FNDC9: variants seen among roughly 807,000 people sequenced by gnomAD.
FNDC9 encodes the protein fibronectin type III domain-containing protein 9.
A neutral mutation model predicts 9.0 loss-of-function variants in FNDC9; 3 were observed. The observed-to-expected ratio is 0.33, with a 90% confidence interval of 0.15 to 0.86. The LOEUF (loss-of-function observed/expected upper bound fraction) is 0.86. Ranked by LOEUF, FNDC9 falls within the 40% of genes least tolerant of loss-of-function variation. FNDC9 has a pLI of 0.53. For synonymous variants in FNDC9, 114 were observed against 115.6 expected (o/e 0.99, Z 0.09); for missense variants, 279 against 287.2 (o/e 0.97, Z 0.21).
rs1452879457 is a variant in FNDC9, at chr5:157,341,984, T to C, written c.*878A>G. ...CAAAGTAAAAACAGCACTTCCCTTTTCGATTCTCTTTCAAACCTTATGCTA... is the reference window on the plus strand; with the variant it reads ...CAAAGTAAAAACAGCACTTCCCTTTCCGATTCTCTTTCAAACCTTATGCTA... On this transcript the variant is annotated 3_prime_UTR_variant, in exon 2 of 2. Transcript: ENST00000312349. 1 of 152,526 alleles carries C rather than the reference T, an allele frequency of 6.6e-6. No homozygotes were observed. Among genetic ancestry groups the C allele is most frequent in the Non-Finnish European group, 1.5e-5 (1 of 68,048 alleles). 9.4% of individuals were successfully genotyped at this position (152,526 alleles called of 1,614,324 possible). A position where few individuals can be genotyped will look rare whatever the true frequency, so the allele number is the denominator to read the frequency against.
rs936858192 is a variant in FNDC9 at position 157,342,703 on chromosome 5, G to C, written c.*159C>G. On this transcript the variant is annotated 3_prime_UTR_variant, in exon 2 of 2. Coordinates refer to ENST00000312349, the MANE Select transcript of FNDC9 (RefSeq NM_001001343.4). ...CCCTGGGGGATACATTTTCCAGCTT[G>C]AGAAGCTTTGTCATGGGGCATTCAT... 3 of 693,054 alleles carry C rather than the reference G, an allele frequency of 4.3e-6. No homozygotes were observed. The highest frequency in any genetic ancestry group is 3.1e-5 in the Admixed American group (1 of 32,400). 42.9% of individuals were successfully genotyped at this position (693,054 alleles called of 1,614,324 possible).
In FNDC9 at chr5:157,342,818, G is replaced by A. The variant is rs1276239888; in HGVS notation, c.*44C>T. On this transcript the variant is annotated 3_prime_UTR_variant, in exon 2 of 2. Coordinates refer to ENST00000312349, the MANE Select transcript of FNDC9 (RefSeq NM_001001343.4). ...CATTTGTACAAACGACCTACTGTGT[G>A]GAAAGCTTTAGGCTACATGATGCGG... 3 of 1,549,802 alleles carry A rather than the reference G, an allele frequency of 1.9e-6. No homozygotes were observed. The highest frequency in any genetic ancestry group is 1.7e-6 in the Non-Finnish European group (2 of 1,145,154).
chr5:157,343,244 C>G lies in FNDC9; in HGVS notation c.293G>C (p.Ser98Thr). ...CAGGGAGCTTCCAGGAGCCAGCGGACTCTTATCCAGGGTGTGGAACATGGT... is the reference window on the plus strand; with the variant it reads ...CAGGGAGCTTCCAGGAGCCAGCGGAGTCTTATCCAGGGTGTGGAACATGGT... ...YCTMFHTLDK[S>T]PLAPGSSLVD... Residue 98 changes from serine to threonine, a missense_variant, in exon 2 of 2, where the codon AGT becomes ACT. By Grantham distance (58) the Ser-to-Thr change is moderately conservative. Coordinates refer to ENST00000312349, the MANE Select transcript of FNDC9 (RefSeq NM_001001343.4). The G allele has an allele frequency of 6.2e-7, 1 of 1,614,194 alleles. No individual in the cohort carries two copies.
At chr5:157,344,615 G>A (rs1163944607) in intron 1 of FNDC9, among the ~76,000 whole-genome samples, 2 of 152,186 alleles carry the variant, frequency 1.3e-5, no homozygotes, top group Non-Finnish European at 2.9e-5. Context: ...TTTCTCTCAT[G>A]CAGTTCCCTC....
In FNDC9 at chr5:157,343,572, CAT is replaced by C. The variant is rs765910234; in HGVS notation, c.-7-31_-7-30del. On this transcript the variant is annotated intron_variant, in intron 1 of 1. Transcript: ENST00000312349. ...GAACCAGAATCAAAGTGAAGAGTGA[CAT>C]CCCCTGATTTAAGTATGTATTTATC... 5.4e-6 allele frequency: 8 copies of C among 1,492,212 alleles called. No individual in the cohort carries two copies. The East Asian group carries it at 1.8e-4, about 34-fold the overall frequency. The allele number at this position is 1,492,212 out of a possible 1,614,324, so 92.4% of individuals were successfully genotyped here.
intron 1 of FNDC9, chr5:157,345,235 C>T (rs1762592073): frequency 6.6e-6 from 1 of 152,238 alleles, no homozygotes; most frequent in South Asian, 2.1e-4. Context: ...TAAAACCTTT[C>T]CATCAGGAGT....
At chr5:157,345,423 C>G (rs1762607068) in intron 1 of FNDC9, 118 bp downstream of exon 1, 1 of 152,606 alleles carries the variant, frequency 6.6e-6, no homozygotes. Flanking sequence ...TTTTCTTCCT[C>G]TGTTTCCGTT....
Position 157,342,681 on chromosome 5 carries a change from TG to T in FNDC9, c.*180del. 1.7e-6 allele frequency: 1 copy of T among 601,544 alleles called. No homozygotes were observed. The highest frequency in any genetic ancestry group is 2.8e-5 in the East Asian group (1 of 35,728). 37.3% of individuals were successfully genotyped at this position (601,544 alleles called of 1,614,324 possible). A position where few individuals can be genotyped will look rare whatever the true frequency, so the allele number is the denominator to read the frequency against. On this transcript the variant is annotated 3_prime_UTR_variant, in exon 2 of 2. Transcript: ENST00000312349. ...GCCTCGTTTGTGCCTTGGCATACCC[TG>T]GGGGATACATTTTCCAGCTTGAGAA...
At chr5:157,343,636 G>C in intron 1 of FNDC9, 93 bp from the exon 2 acceptor site, 1 of 1,004,654 alleles carries the variant, frequency 1.0e-6, no homozygotes. Context: ...ATTTGAGACG[G>C]GCACTCATGT....
chr5:157,342,561 C>G lies in FNDC9; in HGVS notation c.*301G>C. 7.3e-6 allele frequency: 2 copies of G among 274,692 alleles called. No individual in the cohort carries two copies. Among genetic ancestry groups the G allele is most frequent in the East Asian group, 1.3e-4 (2 of 16,000 alleles). The allele number at this position is 274,692 out of a possible 1,614,324, so 17.0% of individuals were successfully genotyped here. On this transcript the variant is annotated 3_prime_UTR_variant, in exon 2 of 2. Transcript: ENST00000312349. ...GTTTTATTTGTCATGCAAATTTTTG[C>G]TTTCTACTTTATAACATATCCATGT...
chr5:157,344,710 TCCGCCTCTCCTCCCTCACATGAAACC>T (rs1762552677), intron 1 of FNDC9, among the ~76,000 whole-genome samples: 1 of 152,234 alleles, frequency 6.6e-6, no homozygotes, highest in Non-Finnish European at 1.5e-5. Flanking sequence ...TGCTTTGTCT[TCCGCCTCTCCTCCCTCACATGAAACC>T]CCGTAGGTTT....
At position 157,342,596 on chromosome 5, in the gene FNDC9, T is replaced by G. The variant is rs749284826; in HGVS notation, c.*266A>C. 7.7e-6 allele frequency: 3 copies of G among 391,742 alleles called. No individual in the cohort carries two copies. Among genetic ancestry groups the G allele is most frequent in the Non-Finnish European group, 1.4e-5 (3 of 218,436 alleles). 24.3% of individuals were successfully genotyped at this position (391,742 alleles called of 1,614,324 possible). A position where few individuals can be genotyped will look rare whatever the true frequency, so the allele number is the denominator to read the frequency against. On this transcript the variant is annotated 3_prime_UTR_variant, in exon 2 of 2. Coordinates refer to ENST00000312349, the MANE Select transcript of FNDC9 (RefSeq NM_001001343.4). The stretch of plus-strand genomic sequence containing the variant: ...TATAACATATCCATGTTTGTTTTAA[T>G]GTTAAAACAATGCTTTCAATTCTTA...
intron 1 of FNDC9, 166 bp downstream of exon 1, chr5:157,345,375 C>T (rs184068269): frequency 2.6e-5 from 4 of 152,746 alleles, no homozygotes; most frequent in African/African-American, 4.8e-5. Flanking sequence ...CAAATAGCAT[C>T]CTCACCTTTT....
intron 1 of FNDC9, 67 bp downstream of exon 1, chr5:157,345,474 C>G (rs745631490): frequency 3.9e-5 from 6 of 152,556 alleles, no homozygotes; most frequent in South Asian, 2.1e-4. Flanking sequence ...TTTGCCCGGC[C>G]CTTCTCCAAG....
chr5:157,345,312 T>A (rs1259713081), intron 1 of FNDC9: 1 of 152,564 alleles, frequency 6.6e-6, no homozygotes, highest in Non-Finnish European at 1.5e-5. Flanking sequence ...ACTAGCTGTC[T>A]GTACAGATGG....
chr5:157,343,850 T>G (rs1054951138), intron 1 of FNDC9, among the ~76,000 whole-genome samples: 1 of 152,112 alleles, frequency 6.6e-6, no homozygotes, highest in African/African-American at 2.4e-5. Context: ...TTAAGGGGAT[T>G]GTTCTCATCC....
rs901632116 is a variant in FNDC9, at chr5:157,343,399, G to A, written c.138C>T (p.Tyr46=). 3.1e-6 allele frequency: 5 copies of A among 1,614,080 alleles called. No homozygotes were observed. In the African/African-American group the frequency reaches 6.7e-5, roughly 22 times the overall value. ...GCACCTTCTCCTCGTGGTGGAAGCT[G>A]TAGCGAAGATAGCCAGAGAAGATGC... ...WNSIFSGYLR[Y]SFHHEEKVPR... is the part of the protein sequence containing the mutation. Residue 46 remains tyrosine, a synonymous_variant, in exon 2 of 2, where the codon TAC becomes TAT. Coordinates refer to ENST00000312349, the MANE Select transcript of FNDC9 (RefSeq NM_001001343.4).
At position 157,343,122 on chromosome 5, in the gene FNDC9, G is replaced by A. The variant is rs752123536; in HGVS notation, c.415C>T (p.Arg139Cys). 6 of 1,614,060 alleles carry A rather than the reference G, an allele frequency of 3.7e-6. No homozygotes were observed. Among genetic ancestry groups the A allele is most frequent in the African/African-American group, 2.7e-5 (2 of 74,922 alleles). ...TAAGACCATCGCGGCTCATGGCAAC[G>A]GACACACCAGAACTGGAGGCAGATG... ...AFICLQFWCV[R>C]CHEPRWSYRA... The change falls in exon 2 of 2, where the codon CGT becomes TGT. Residue 139 changes from arginine (R) to cysteine (C), a missense_variant. Physicochemically the swap from Arg to Cys is radical, Grantham distance 180. Transcript: ENST00000312349.
In FNDC9 at chr5:157,343,158, C is replaced by T. The variant is rs780016703; in HGVS notation, c.379G>A (p.Val127Ile). The change falls in exon 2 of 2, where the codon GTC (valine) becomes ATC (isoleucine). Residue 127 changes from valine to isoleucine, a missense_variant. By Grantham distance (29) the Val-to-Ile change is conservative. Coordinates refer to ENST00000312349, the MANE Select transcript of FNDC9 (RefSeq NM_001001343.4). ...AACTGGAGGCAGATGAAGGCCAAGACGGCTGTGAAGCAGGCCAGCAGAATG... is the reference window on the plus strand; with the variant it reads ...AACTGGAGGCAGATGAAGGCCAAGATGGCTGTGAAGCAGGCCAGCAGAATG... ...MAILLACFTA[V>I]LAFICLQFWC... is the part of the protein sequence containing the mutation. 2.7e-5 allele frequency: 44 copies of T among 1,614,190 alleles called. 1 individual carries two copies. Among genetic ancestry groups the T allele is most frequent in the South Asian group, 1.4e-4 (13 of 91,090 alleles).
Sources: allele counts gnomAD v4.1 joint callset (sites outside exome capture counted in the v4.1 genomes callset), GRCh38; gene constraint gnomAD v4.1.1; transcripts MANE v1.5; gene names NCBI Gene and HGNC (gene_info 2026-07-23, HGNC 2026-07-21).